The following NRDC variants were observed in gnomAD, a reference collection of about 807,000 sequenced individuals.
NRDC encodes nardilysin.
A neutral mutation model predicts 147.1 loss-of-function variants in NRDC; 54 were observed. That is an observed-to-expected ratio of 0.37 (90% CI 0.29 to 0.46). NRDC has a LOEUF of 0.46. Ranked by LOEUF, NRDC falls within the 20% of genes least tolerant of loss-of-function variation. NRDC has a pLI of 1.00. For missense variants in NRDC, 1,082 were observed against 1,370.6 expected (o/e 0.79, Z 3.33); for synonymous variants, 440 against 482.1 (o/e 0.91, Z 1.14).
chr1:51,825,548 T>C (rs1206797639), intron 5 of NRDC, among the ~76,000 whole-genome samples, 166 bp from the exon 6 acceptor site: 1 of 152,200 alleles, frequency 6.6e-6, no homozygotes, highest in African/African-American at 2.4e-5. Flanking sequence ...CCTGGCTCTA[T>C]GACTTAATAT....
intron 13 of NRDC, 123 bp downstream of exon 13, chr1:51,814,428 G>C: frequency 1.2e-6 from 1 of 867,440 alleles, no homozygotes; most frequent in Non-Finnish European, 1.8e-6. Flanking sequence ...AGTCAATAAA[G>C]GAAATAGAGC....
At position 51,878,477 on chromosome 1, in the gene NRDC, T is replaced by C. The variant is rs1296946520; in HGVS notation, c.139A>G (p.Ile47Val). 2.5e-6 allele frequency: 4 copies of C among 1,613,910 alleles called. No individual in the cohort carries two copies. The highest frequency in any genetic ancestry group is 3.3e-5 in the Admixed American group (2 of 60,008). Reference sequence around the variant, plus strand: ...TTGTTCCTTCCAGGCATGGCCAGAATAGGAAAGGGTCTGGCAGCAGCAGAG... The same window carrying C: ...TTGTTCCTTCCAGGCATGGCCAGAACAGGAAAGGGTCTGGCAGCAGCAGAG... ...EDSAAARPFP[I>V]LAMPGRNKAK... is the part of the protein sequence containing the mutation. The change falls in exon 1 of 31, where the codon ATT becomes GTT. Residue 47 changes from isoleucine (I) to valine (V), a missense_variant. By Grantham distance (29) the Ile-to-Val change is conservative. Around this residue, in one of 3 missense-constraint regions of NRDC, gnomAD observed 260 missense variants for 253.2 expected, o/e 1.03. Transcript: ENST00000352171.
chr1:51,798,559 C>T (rs968296349), intron 21 of NRDC, 148 bp from the exon 22 acceptor site: 4 of 632,398 alleles, frequency 6.3e-6, no homozygotes, highest in Non-Finnish European at 1.0e-5. Flanking sequence ...AAAACAGTAT[C>T]AGATTAACCA....
chr1:51,854,992 G>A (rs1246574277), intron 1 of NRDC, among the ~76,000 whole-genome samples: 1 of 152,286 alleles, frequency 6.6e-6, no homozygotes, highest in East Asian at 1.9e-4. Flanking sequence ...TTATACCCAT[G>A]AGCCAGTGCT....
At chr1:51,873,344 G>A (rs1683170113) in intron 1 of NRDC, among the ~76,000 whole-genome samples, 2 of 152,078 alleles carry the variant, frequency 1.3e-5, no homozygotes, top group Non-Finnish European at 2.9e-5. Context: ...TGTTCTCAAT[G>A]CAACTGTTCC....
chr1:51,797,432 C>T (rs1287857512), intron 22 of NRDC, among the ~76,000 whole-genome samples: 3 of 152,174 alleles, frequency 2.0e-5, no homozygotes, highest in African/African-American at 7.2e-5. Flanking sequence ...TACTTTAAAA[C>T]AGCTTCATAA....
At chr1:51,819,738 A>T in intron 9 of NRDC, 62 bp downstream of exon 9, 1 of 1,342,962 alleles carries the variant, frequency 7.4e-7, no homozygotes, top group South Asian at 1.3e-5. Flanking sequence ...GGCAGCTTCA[A>T]TTAGGTTATA....
At chr1:51,811,501 T>C (rs1679714268) in intron 15 of NRDC, among the ~76,000 whole-genome samples, 1 of 152,196 alleles carries the variant, frequency 6.6e-6, no homozygotes, top group Admixed American at 6.5e-5. Context: ...AAATGACTTA[T>C]TCTCCACTAG....
intron 1 of NRDC, among the ~76,000 whole-genome samples, chr1:51,846,111 T>TA (rs1253344246): frequency 1.3e-4 from 19 of 149,872 alleles, no homozygotes; most frequent in African/African-American, 4.6e-4. Context: ...ATTTTACACT[T>TA]TATAATTTTT....
At chr1:51,794,906 C>G in intron 22 of NRDC, 52 bp from the exon 23 acceptor site, 1 of 1,608,514 alleles carries the variant, frequency 6.2e-7, no homozygotes, top group Non-Finnish European at 8.5e-7. Context: ...ATTCATTTCA[C>G]CCAGAATCAG....
At chr1:51,810,076 T>C (rs1679644173) in intron 16 of NRDC, among the ~76,000 whole-genome samples, 1 of 152,108 alleles carries the variant, frequency 6.6e-6, no homozygotes, top group African/African-American at 2.4e-5. Flanking sequence ...AATACCAAGA[T>C]AACAGAATTT....
chr1:51,827,297 A>G (rs1680489196), intron 5 of NRDC, among the ~76,000 whole-genome samples: 1 of 152,202 alleles, frequency 6.6e-6, no homozygotes, highest in Non-Finnish European at 1.5e-5. Context: ...ATACTACAAA[A>G]AGTGGAACAA....
chr1:51,859,084 A>C (rs1254749952), intron 1 of NRDC, among the ~76,000 whole-genome samples: 1 of 152,184 alleles, frequency 6.6e-6, no homozygotes, highest in Admixed American at 6.6e-5. Flanking sequence ...TATTTCACCT[A>C]AGAGTTGTCC....
rs780188475 is a variant in NRDC at position 51,878,643 on chromosome 1, C to T, written c.-28G>A. On this transcript the variant is annotated 5_prime_UTR_variant, in exon 1 of 31. Coordinates refer to ENST00000352171, the MANE Select transcript of NRDC (RefSeq NM_001101662.2). ...ACCACCAAGCTGGAGCGATGGACAT[C>T]CCGCTTCCCAGGACCCACCTCCTCC... 8.9e-6 allele frequency: 14 copies of T among 1,580,912 alleles called. No individual in the cohort carries two copies. The highest frequency in any genetic ancestry group is 1.2e-5 in the Non-Finnish European group (14 of 1,161,700).
intron 4 of NRDC, among the ~76,000 whole-genome samples, chr1:51,830,059 C>T (rs564982977): frequency 3.4e-4 from 51 of 150,548 alleles, no homozygotes; most frequent in African/African-American, 1.0e-3. Flanking sequence ...CTGCCTCCCA[C>T]GTTCAAGCGA....
chr1:51,870,621 C>T (rs1353699085), intron 1 of NRDC, among the ~76,000 whole-genome samples: 1 of 152,112 alleles, frequency 6.6e-6, no homozygotes, highest in African/African-American at 2.4e-5. Context: ...GTCACCCTTT[C>T]AAGTTTTCAC....
At position 51,877,754 on chromosome 1, in the gene NRDC, C is replaced by T. The variant is rs142707337; in HGVS notation, c.341+521G>A. 3.2e-3 allele frequency among the ~76,000 whole-genome samples: 485 copies of T among 152,276 alleles called. 2 individuals carry two copies. Among genetic ancestry groups the T allele is most frequent in the African/African-American group, 0.011 (453 of 41,562 alleles). On this transcript the variant is annotated intron_variant, in intron 1 of 30. Coordinates refer to ENST00000352171, the MANE Select transcript of NRDC (RefSeq NM_001101662.2). Reference sequence around the variant, plus strand: ...GCCCAACCGTTTTGGTAATGGAGAACTACCCATGGAAACAAGTCACTTCAA... The same window carrying T: ...GCCCAACCGTTTTGGTAATGGAGAATTACCCATGGAAACAAGTCACTTCAA...
chr1:51,845,062 T>C (rs1174014187), intron 1 of NRDC, among the ~76,000 whole-genome samples: 1 of 152,164 alleles, frequency 6.6e-6, no homozygotes, highest in Non-Finnish European at 1.5e-5. Context: ...ATCCTTACCA[T>C]GGCCTATACA....
intron 22 of NRDC, among the ~76,000 whole-genome samples, chr1:51,796,171 A>T (rs1678895867): frequency 6.6e-6 from 1 of 151,300 alleles, no homozygotes; most frequent in Non-Finnish European, 1.5e-5. Context: ...ATAAGCCACC[A>T]TGTCCAGCCT....
Sources: gnomAD v4.1 joint callset for allele counts (sites outside exome capture counted in the v4.1 genomes callset) on GRCh38, gnomAD v4.1.1 for gene constraint, gnomAD v4.1.1 regional missense constraint, MANE v1.5 for transcripts, NCBI Gene and HGNC (gene_info 2026-07-23, HGNC 2026-07-21) for gene names.